Variants in GRM5 observed in about 807,000 individuals in gnomAD.
GRM5 encodes the protein metabotropic glutamate receptor 5.
GRM5 carries 19 observed loss-of-function variants against 83.1 expected under a neutral mutation model. That is an observed-to-expected ratio of 0.23 (90% CI 0.16 to 0.34). The LOEUF (loss-of-function observed/expected upper bound fraction) is 0.34. Among genes scored for constraint, GRM5 ranks in the 10% least tolerant of loss-of-function variants. GRM5 has a pLI of 1.00. For missense variants in GRM5, 1,160 were observed against 1,588.3 expected, an observed-to-expected ratio of 0.73 and a Z score of 4.58; for synonymous variants, 675 against 633.6, an observed-to-expected ratio of 1.07 and a Z score of -0.98.
At chr11:88,599,678 T>C (rs373496038) in intron 5 of GRM5, among the ~76,000 whole-genome samples, 1 of 152,190 alleles carries the variant, frequency 6.6e-6, no homozygotes, top group Non-Finnish European at 1.5e-5. Flanking sequence ...TTGCAATCTT[T>C]AGCCATGATT....
intron 2 of GRM5, among the ~76,000 whole-genome samples, chr11:88,959,699 A>T (rs1387393693): frequency 1.3e-5 from 2 of 152,140 alleles, no homozygotes; most frequent in Non-Finnish European, 2.9e-5. Context: ...ATTTGAGAGA[A>T]TGTTCAGATA....
chr11:88,854,933 C>A (rs1944447189), intron 2 of GRM5, among the ~76,000 whole-genome samples: 1 of 151,682 alleles, frequency 6.6e-6, no homozygotes, highest in Non-Finnish European at 1.5e-5. Context: ...GGTACAAATT[C>A]AATATCATTA....
intron 7 of GRM5, among the ~76,000 whole-genome samples, chr11:88,584,534 C>T (rs1943276246): frequency 6.6e-6 from 1 of 152,022 alleles, no homozygotes; most frequent in Non-Finnish European, 1.5e-5. Context: ...CCTAAGTTTC[C>T]CAGGTTCAAG....
intron 2 of GRM5, among the ~76,000 whole-genome samples, chr11:88,923,123 C>A (rs1312059515): frequency 6.6e-6 from 1 of 152,042 alleles, no homozygotes. Context: ...ATTACTACCA[C>A]CACTATGGAG....
At chr11:88,766,767 C>T (rs895902518) in intron 3 of GRM5, among the ~76,000 whole-genome samples, 1 of 151,938 alleles carries the variant, frequency 6.6e-6, no homozygotes, top group African/African-American at 2.4e-5. Context: ...AACAGACAAC[C>T]TACAGAATGG....
intron 8 of GRM5, among the ~76,000 whole-genome samples, chr11:88,547,027 G>T (rs1942398407): frequency 6.6e-6 from 1 of 151,964 alleles, no homozygotes; most frequent in South Asian, 2.1e-4. Context: ...CAATTGTATA[G>T]CAATTGTGAA....
At chr11:89,019,197 C>G (rs116612713) in intron 2 of GRM5, among the ~76,000 whole-genome samples, 1,536 of 152,224 alleles carry the variant, frequency 0.01, 27 homozygotes, top group African/African-American at 0.035. Flanking sequence ...GTTTTTCTCT[C>G]AGATTACATT....
intron 3 of GRM5, among the ~76,000 whole-genome samples, chr11:88,830,527 G>A (rs1458568541): frequency 6.6e-6 from 1 of 152,152 alleles, no homozygotes; most frequent in East Asian, 1.9e-4. Context: ...AAAGGAAAGG[G>A]AAGTGAGGCA....
At chr11:88,544,061 A>ACTCT (rs144066431) in intron 8 of GRM5, among the ~76,000 whole-genome samples, 10 of 149,018 alleles carry the variant, frequency 6.7e-5, no homozygotes, top group Admixed American at 3.3e-4. Context: ...ATTTGCTCTC[A>ACTCT]CTCTCTCTCT....
chr11:88,843,658 G>T (rs989719559), intron 3 of GRM5, among the ~76,000 whole-genome samples: 3 of 152,156 alleles, frequency 2.0e-5, no homozygotes, highest in African/African-American at 7.2e-5. Flanking sequence ...TAAATCAAAA[G>T]CTAGAAATGA....
intron 1 of GRM5, among the ~76,000 whole-genome samples, chr11:89,056,905 T>A (rs1591083985): frequency 6.6e-6 from 1 of 152,148 alleles, no homozygotes; most frequent in South Asian, 2.1e-4. Flanking sequence ...AATAGACATA[T>A]TTTAAATACA....
chr11:88,982,956 C>T (rs1264653181), intron 2 of GRM5, among the ~76,000 whole-genome samples: 1 of 152,184 alleles, frequency 6.6e-6, no homozygotes, highest in South Asian at 2.1e-4. Context: ...ATCTCAGCTA[C>T]TCAGGAAGCT....
At chr11:88,697,106 ATATAG>A (rs1261513026) in intron 3 of GRM5, among the ~76,000 whole-genome samples, 1 of 152,200 alleles carries the variant, frequency 6.6e-6, no homozygotes, top group Non-Finnish European at 1.5e-5. Context: ...TAATTGCTAT[ATATAG>A]TATTTTTTAT....
In GRM5 at chr11:88,505,642, T is replaced by A. The variant is rs1170769643; in HGVS notation, c.*2950A>T. On this transcript the variant is annotated 3_prime_UTR_variant, in exon 10 of 10. Transcript: ENST00000305447. Reference sequence around the variant, plus strand: ...GTTCTTCTTAGGCTGCCCCCACTCCTTTCCCAAAATGGAAGGATGAGTGGA... The same window carrying A: ...GTTCTTCTTAGGCTGCCCCCACTCCATTCCCAAAATGGAAGGATGAGTGGA... The A allele has an allele frequency of 6.6e-6, 1 of 152,322 alleles. No individual in the cohort carries two copies. The highest frequency in any genetic ancestry group is 2.1e-4 in the South Asian group (1 of 4,826). The allele number at this position is 152,322 out of a possible 1,614,324, so 9.4% of individuals were successfully genotyped here. A position where few individuals can be genotyped will look rare whatever the true frequency, so the allele number is the denominator to read the frequency against.
intron 2 of GRM5, among the ~76,000 whole-genome samples, chr11:89,036,193 A>C (rs185305738): frequency 6.6e-6 from 1 of 152,190 alleles, no homozygotes; most frequent in East Asian, 1.9e-4. Flanking sequence ...TGCTCATCTT[A>C]CCACAGCATA....
chr11:88,775,087 G>A (rs1022857061), intron 3 of GRM5, among the ~76,000 whole-genome samples: 1 of 152,040 alleles, frequency 6.6e-6, no homozygotes, highest in South Asian at 2.1e-4. Context: ...TTTTTGGTTG[G>A]TAGGCTATTC....
At chr11:88,960,692 C>T in intron 2 of GRM5, among the ~76,000 whole-genome samples, 1 of 152,072 alleles carries the variant, frequency 6.6e-6, no homozygotes, top group East Asian at 1.9e-4. Context: ...CATGTTTGAG[C>T]TGATTTATCC....
intron 3 of GRM5, among the ~76,000 whole-genome samples, chr11:88,828,123 A>C (rs911469807): frequency 1.3e-5 from 2 of 152,182 alleles, no homozygotes; most frequent in African/African-American, 2.4e-5. Flanking sequence ...AACAGCAAGA[A>C]GACCACTGTG....
intron 2 of GRM5, among the ~76,000 whole-genome samples, chr11:88,919,930 G>C (rs531996197): frequency 2.0e-5 from 3 of 151,902 alleles, no homozygotes; most frequent in Non-Finnish European, 4.4e-5. Flanking sequence ...ATACCAATAA[G>C]TGCCTACATT....
Sources: gnomAD v4.1 joint callset for allele counts (sites outside exome capture counted in the v4.1 genomes callset) on GRCh38, gnomAD v4.1.1 for gene constraint, MANE v1.5 for transcripts, NCBI Gene and HGNC (gene_info 2026-07-23, HGNC 2026-07-21) for gene names.